The following IL1RAPL2 variants were observed in gnomAD, a reference collection of about 807,000 sequenced individuals.
The protein encoded by IL1RAPL2 is interleukin 1 receptor accessory protein like 2.
A neutral mutation model predicts 44.1 loss-of-function variants in IL1RAPL2; 3 were observed. That is an observed-to-expected ratio of 0.07 (90% CI 0.03 to 0.18). The LOEUF is 0.18. Among genes scored for constraint, IL1RAPL2 ranks in the 10% least tolerant of loss-of-function variants. The pLI is 1.00. For missense variants in IL1RAPL2, 391 were observed against 496.4 expected (o/e 0.79, Z 2.02); for synonymous variants, 181 against 178.8 (o/e 1.01, Z -0.10).
chrX:104,929,931 T>A (rs1441658744), intron 2 of IL1RAPL2, among the ~76,000 whole-genome samples: 3 of 112,248 alleles, frequency 2.7e-5, no homozygotes, highest in African/African-American at 9.7e-5. Flanking sequence ...GCTTATAAGC[T>A]TTTACACTTT....
At chrX:105,278,862 A>G (rs974112454) in intron 5 of IL1RAPL2, among the ~76,000 whole-genome samples, 1 of 111,162 alleles carries the variant, frequency 9.0e-6, no homozygotes, top group Non-Finnish European at 1.9e-5. Flanking sequence ...ACATGTCACT[A>G]GTTCTATTCC....
At position 104,582,288 on chromosome X, in the gene IL1RAPL2, A is replaced by T. The variant is rs140968763; in HGVS notation, c.-20+15237A>T. 1.3e-4 allele frequency among the ~76,000 whole-genome samples: 14 copies of T among 111,941 alleles called. No homozygotes were observed. The East Asian group carries it at 2.0e-3, about 16-fold the overall frequency. ...AGGTTTACATACTGTGAGTAAAAAA[A>T]ATGCTTCAGAGCACCCAACTAGCAA... is the stretch of plus-strand genomic sequence containing the variant. On this transcript the variant is annotated intron_variant, in intron 1 of 10. Coordinates refer to ENST00000372582, the MANE Select transcript of IL1RAPL2 (RefSeq NM_017416.2).
At chrX:105,075,489 T>G (rs919757778) in intron 2 of IL1RAPL2, among the ~76,000 whole-genome samples, 1 of 111,725 alleles carries the variant, frequency 9.0e-6, no homozygotes, top group Non-Finnish European at 1.9e-5. Context: ...TCAAGGATAT[T>G]GGTCTCAAAT....
intron 6 of IL1RAPL2, among the ~76,000 whole-genome samples, chrX:105,533,392 G>A (rs753752789): frequency 3.6e-5 from 4 of 111,278 alleles, no homozygotes; most frequent in Non-Finnish European, 1.9e-5. Flanking sequence ...CACAACCACA[G>A]TACAATATAA....
At chrX:105,682,254 T>C (rs2037932890) in intron 6 of IL1RAPL2, among the ~76,000 whole-genome samples, 1 of 111,811 alleles carries the variant, frequency 8.9e-6, no homozygotes, top group African/African-American at 3.2e-5. Context: ...TATATAAGTC[T>C]GAAATAATAT....
intron 5 of IL1RAPL2, among the ~76,000 whole-genome samples, chrX:105,297,819 A>G (rs760368015): frequency 6.3e-4 from 70 of 111,441 alleles, no homozygotes; most frequent in African/African-American, 2.2e-3. Context: ...GCATTTAAAA[A>G]TGATCGCTCT....
chrX:104,954,981 G>A (rs1269027377), intron 2 of IL1RAPL2, among the ~76,000 whole-genome samples: 1 of 112,928 alleles, frequency 8.9e-6, no homozygotes, highest in Non-Finnish European at 1.9e-5. Context: ...CTCAGGGGCA[G>A]TTCTGCAGTC....
intron 6 of IL1RAPL2, among the ~76,000 whole-genome samples, chrX:105,636,988 G>C (rs943299744): frequency 1.1e-4 from 12 of 111,173 alleles, no homozygotes; most frequent in Admixed American, 3.8e-4. Flanking sequence ...TCTTAGGTGG[G>C]GGGGAGTATA....
chrX:105,228,663 C>T (rs2034039900), intron 3 of IL1RAPL2, among the ~76,000 whole-genome samples: 1 of 112,120 alleles, frequency 8.9e-6, no homozygotes, highest in African/African-American at 3.2e-5. Context: ...TAACATTATT[C>T]CTTAGATGTT....
intron 2 of IL1RAPL2, among the ~76,000 whole-genome samples, chrX:105,062,015 T>G (rs752096568): frequency 8.9e-6 from 1 of 111,944 alleles, no homozygotes; most frequent in East Asian, 2.8e-4. Flanking sequence ...GTTTAGTCTA[T>G]TTACAATCAA....
intron 5 of IL1RAPL2, among the ~76,000 whole-genome samples, chrX:105,404,432 T>C (rs1200591943): frequency 8.9e-6 from 1 of 112,103 alleles, no homozygotes; most frequent in African/African-American, 3.2e-5. Context: ...CTGTTAGTAT[T>C]TGTTGCTTTT....
chrX:105,115,205 G>A (rs904066753), intron 2 of IL1RAPL2, among the ~76,000 whole-genome samples: 4 of 111,664 alleles, frequency 3.6e-5, no homozygotes, highest in South Asian at 7.6e-4. Flanking sequence ...CAGGAGTGAA[G>A]CTGCAGACCT....
At chrX:105,614,207 C>T (rs1715855285) in intron 6 of IL1RAPL2, among the ~76,000 whole-genome samples, 1 of 111,731 alleles carries the variant, frequency 9.0e-6, no homozygotes, top group Admixed American at 9.5e-5. Flanking sequence ...AAGGATATTC[C>T]ATGTTTATGG....
intron 2 of IL1RAPL2, among the ~76,000 whole-genome samples, chrX:104,948,221 C>T (rs1003704619): frequency 1.8e-4 from 19 of 107,720 alleles, no homozygotes; most frequent in African/African-American, 6.4e-4. Flanking sequence ...CTCTGTTTGT[C>T]TGTTATTGGT....
chrX:105,512,815 A>G (rs1297595887), intron 6 of IL1RAPL2, among the ~76,000 whole-genome samples: 1 of 111,236 alleles, frequency 9.0e-6, no homozygotes, highest in Middle Eastern at 4.2e-3. Flanking sequence ...CAAGTGCAGA[A>G]CATGCAGTTT....
rs182373880 is a variant in IL1RAPL2, at chrX:105,422,261, G to C, written c.698-62052G>C. ...TTTGGGTGAATTCCTCTTCTCTTGAGGTTCCAAGATAAACCTGGGGGCTCC... is the reference window on the plus strand; with the variant it reads ...TTTGGGTGAATTCCTCTTCTCTTGACGTTCCAAGATAAACCTGGGGGCTCC... On this transcript the variant is annotated intron_variant, in intron 5 of 10. Coordinates refer to ENST00000372582, the MANE Select transcript of IL1RAPL2 (RefSeq NM_017416.2). Among the ~76,000 whole-genome samples, 138 of 111,753 alleles carry C rather than the reference G, an allele frequency of 1.2e-3. 1 individual carries two copies. The highest frequency in any genetic ancestry group is 0.011 in the South Asian group (30 of 2,693).
chrX:104,594,527 A>C (rs111332857), intron 1 of IL1RAPL2, among the ~76,000 whole-genome samples: 5 of 111,900 alleles, frequency 4.5e-5, no homozygotes, highest in African/African-American at 1.3e-4. Flanking sequence ...TTATTCAATC[A>C]ATAAATATTT....
chrX:105,093,860 C>T, intron 2 of IL1RAPL2, among the ~76,000 whole-genome samples: 1 of 111,656 alleles, frequency 9.0e-6, no homozygotes, highest in South Asian at 3.8e-4. Context: ...AACCCTCAGT[C>T]TCCTCACTTG....
At chrX:104,881,928 A>T (rs900972968) in intron 2 of IL1RAPL2, among the ~76,000 whole-genome samples, 2 of 111,995 alleles carry the variant, frequency 1.8e-5, no homozygotes, top group Non-Finnish European at 3.8e-5. Flanking sequence ...TAAGTGAACT[A>T]AAAAAAGGAG....
Sources: gnomAD v4.1 joint callset for allele counts (sites outside exome capture counted in the v4.1 genomes callset) on GRCh38, gnomAD v4.1.1 for gene constraint, MANE v1.5 for transcripts, NCBI Gene and HGNC (gene_info 2026-07-23, HGNC 2026-07-21) for gene names.